Variants in NMNAT2 observed in about 807,000 individuals in gnomAD.
NMNAT2 encodes nicotinamide/nicotinic acid mononucleotide adenylyltransferase 2.
A neutral mutation model predicts 41.6 loss-of-function variants in NMNAT2; 11 were observed. The observed-to-expected ratio is 0.26, with a 90% CI of 0.17 to 0.44. The LOEUF (loss-of-function observed/expected upper bound fraction) is 0.44, where lower values mean the gene tolerates loss of function less well. Among genes scored for constraint, NMNAT2 ranks in the 20% least tolerant of loss-of-function variants. The pLI is 1.00. For missense variants in NMNAT2, 288 were observed against 407.7 expected, an observed-to-expected ratio of 0.71 and a Z score of 2.53; for synonymous variants, 148 against 151.2, an observed-to-expected ratio of 0.98 and a Z score of 0.16.
chr1:183,302,843 C>G (rs1334679791), intron 1 of NMNAT2, among the ~76,000 whole-genome samples: 1 of 152,096 alleles, frequency 6.6e-6, no homozygotes, highest in African/African-American at 2.4e-5. Context: ...GACCCTGGAG[C>G]CTCTGCCCTT....
intron 1 of NMNAT2, among the ~76,000 whole-genome samples, chr1:183,380,584 G>C (rs954321300): frequency 2.0e-5 from 3 of 152,176 alleles, no homozygotes; most frequent in Non-Finnish European, 4.4e-5. Flanking sequence ...ATGAGAGAGG[G>C]TGAAAAATTC....
At chr1:183,314,360 C>T (rs1662195105) in intron 1 of NMNAT2, among the ~76,000 whole-genome samples, 1 of 152,218 alleles carries the variant, frequency 6.6e-6, no homozygotes, top group Non-Finnish European at 1.5e-5. Context: ...TGCCATGCCA[C>T]CTTCCCTGAC....
chr1:183,386,595 T>C (rs1349549852), intron 1 of NMNAT2, among the ~76,000 whole-genome samples: 1 of 152,194 alleles, frequency 6.6e-6, no homozygotes, highest in Non-Finnish European at 1.5e-5. Flanking sequence ...TTTAAAAAGA[T>C]CACTTTTAAA....
chr1:183,327,039 T>C (rs1662480780), intron 1 of NMNAT2, among the ~76,000 whole-genome samples: 1 of 132,598 alleles, frequency 7.5e-6, no homozygotes, highest in African/African-American at 2.6e-5. Context: ...TGTATGTATG[T>C]ATGTATGTAT....
rs1266032815 is a variant in NMNAT2, at chr1:183,284,975, T to C, written c.449-185A>G. On this transcript the variant is annotated intron_variant, in intron 5 of 10. Transcript: ENST00000287713. ...GAAATATGACAGCACAAATTCCTTC[T>C]TCTCACTCACAGTCTGAGGCACACG... 3.3e-5 allele frequency among the ~76,000 whole-genome samples: 5 copies of C among 152,170 alleles called. No individual in the cohort carries two copies. In the South Asian group the frequency reaches 1.0e-3, roughly 32 times the overall value.
intron 8 of NMNAT2, among the ~76,000 whole-genome samples, chr1:183,263,536 G>A (rs78009514): frequency 0.011 from 1,648 of 152,258 alleles, 22 homozygotes; most frequent in Middle Eastern, 0.017. Context: ...CCAGAATCTC[G>A]GGCCAGGCGC....
At chr1:183,281,118 A>C (rs751295949) in intron 7 of NMNAT2, among the ~76,000 whole-genome samples, 1 of 152,116 alleles carries the variant, frequency 6.6e-6, no homozygotes, top group African/African-American at 2.4e-5. Flanking sequence ...GGTCCAAGAT[A>C]ATTCTTCCTC....
intron 1 of NMNAT2, among the ~76,000 whole-genome samples, chr1:183,299,051 T>G (rs2102314703): frequency 6.6e-6 from 1 of 152,314 alleles, no homozygotes; most frequent in African/African-American, 2.4e-5. Context: ...GGTACACCCA[T>G]ACCATGGAGT....
intron 1 of NMNAT2, among the ~76,000 whole-genome samples, chr1:183,300,784 T>C (rs1571584582): frequency 6.6e-6 from 1 of 152,354 alleles, no homozygotes; most frequent in Non-Finnish European, 1.5e-5. Context: ...CTGGAGGAGT[T>C]AGATGCTTCT....
intron 1 of NMNAT2, among the ~76,000 whole-genome samples, chr1:183,325,935 C>T (rs903015190): frequency 2.0e-5 from 3 of 152,150 alleles, no homozygotes; most frequent in Admixed American, 1.3e-4. Flanking sequence ...ATGGTCCCTG[C>T]CATGTCCCTG....
chr1:183,359,056 T>C (rs553264048), intron 1 of NMNAT2, among the ~76,000 whole-genome samples: 4 of 152,176 alleles, frequency 2.6e-5, no homozygotes, highest in South Asian at 4.1e-4. Flanking sequence ...AATGTACTTA[T>C]AGAAATTCCT....
At chr1:183,304,968 T>G in intron 1 of NMNAT2, 1 of 1,057,192 alleles carries the variant, frequency 9.5e-7, no homozygotes, top group Non-Finnish European at 1.3e-6. Context: ...TCTCATATGC[T>G]CCCGCTTGTA....
At chr1:183,417,596 G>T (rs952016233) in intron 1 of NMNAT2, among the ~76,000 whole-genome samples, 1 of 152,132 alleles carries the variant, frequency 6.6e-6, no homozygotes, top group Admixed American at 6.5e-5. Flanking sequence ...CCTCGCGCGG[G>T]CAATACACGG....
intron 1 of NMNAT2, among the ~76,000 whole-genome samples, chr1:183,410,393 A>G (rs182308511): frequency 6.6e-6 from 1 of 152,234 alleles, no homozygotes; most frequent in East Asian, 1.9e-4. Context: ...AATCCACTTC[A>G]AAGAGTGATA....
intron 1 of NMNAT2, among the ~76,000 whole-genome samples, chr1:183,330,255 A>T (rs1210455149): frequency 6.6e-6 from 1 of 152,242 alleles, no homozygotes; most frequent in Non-Finnish European, 1.5e-5. Context: ...CAGCATTTTG[A>T]ACAGTGCCTG....
chr1:183,333,311 G>C (rs374890777), intron 1 of NMNAT2, among the ~76,000 whole-genome samples: 2 of 152,180 alleles, frequency 1.3e-5, no homozygotes, highest in East Asian at 1.9e-4. Context: ...CAGAATAACT[G>C]CCCCCATGAA....
chr1:183,311,285 C>A (rs936668818), intron 1 of NMNAT2, among the ~76,000 whole-genome samples: 7 of 152,138 alleles, frequency 4.6e-5, no homozygotes, highest in African/African-American at 1.2e-4. Context: ...TTGGGGAATT[C>A]TTGGCCAAAG....
chr1:183,408,726 A>G (rs1018512956), intron 1 of NMNAT2, among the ~76,000 whole-genome samples: 12 of 152,318 alleles, frequency 7.9e-5, no homozygotes, highest in African/African-American at 2.9e-4. Context: ...ATAAATTTTG[A>G]TTCCCTGGGG....
At chr1:183,363,499 G>A (rs1663347119) in intron 1 of NMNAT2, among the ~76,000 whole-genome samples, 1 of 151,954 alleles carries the variant, frequency 6.6e-6, no homozygotes, top group Non-Finnish European at 1.5e-5. Context: ...GGAGTGAGTT[G>A]AAGTCTAAAA....
Sources: gnomAD v4.1 joint callset for allele counts (sites outside exome capture counted in the v4.1 genomes callset) on GRCh38, gnomAD v4.1.1 for gene constraint, MANE v1.5 for transcripts, NCBI Gene and HGNC (gene_info 2026-07-23, HGNC 2026-07-21) for gene names.